UST: variants seen among roughly 807,000 people sequenced by gnomAD.
UST encodes chondroitin sulfate 2-O-sulfotransferase.
In UST, 21 loss-of-function variants were observed where a neutral mutation model predicts 45.6. The observed-to-expected ratio is 0.46, with a 90% CI of 0.33 to 0.66. UST has a LOEUF of 0.66. Among genes scored for constraint, UST ranks in the 30% least tolerant of loss-of-function variants. UST has a pLI of 0.02. For synonymous variants in UST, 215 were observed against 200.6 expected (o/e 1.07, Z -0.61); for missense variants, 463 against 512.4 (o/e 0.90, Z 0.93).
chr6:148,990,011 T>A (rs773549520), intron 5 of UST, among the ~76,000 whole-genome samples: 1 of 152,178 alleles, frequency 6.6e-6, no homozygotes, highest in African/African-American at 2.4e-5. Flanking sequence ...ACAAAAAAAA[T>A]TAAGCGTTTA....
Position 149,073,819 on chromosome 6 carries a change from C to G in UST, c.938-14C>G. The G allele has an allele frequency of 6.2e-7, 1 of 1,609,754 alleles. No individual in the cohort carries two copies. The highest frequency in any genetic ancestry group is 8.5e-7 in the Non-Finnish European group (1 of 1,176,772). ...GCAAATGATGGCTCATGTGCGACCC[C>G]GGTTCTCTTCCAGAGCACAGGAAGC... is the stretch of plus-strand genomic sequence containing the variant. On this transcript the variant is annotated splice_polypyrimidine_tract_variant and intron_variant, in intron 7 of 7. Transcript: ENST00000367463.
intron 1 of UST, among the ~76,000 whole-genome samples, chr6:148,873,693 A>G (rs368609115): frequency 5.7e-4 from 87 of 152,332 alleles, no homozygotes; most frequent in African/African-American, 2.0e-3. Flanking sequence ...GCTGCCTGAC[A>G]TGGTGCAGGT....
rs539489103 is a variant in UST, at chr6:148,900,623, T to A, written c.291+13594T>A. On this transcript the variant is annotated intron_variant, in intron 2 of 7. Transcript: ENST00000367463. ...TTTGTAAATTGCCCAGTCTGGGATA[T>A]GTCTTTATCAGCAGCATGAAAATGA... 7.2e-5 allele frequency among the ~76,000 whole-genome samples: 11 copies of A among 152,348 alleles called. No individual in the cohort carries two copies. In the East Asian group the frequency reaches 1.2e-3, roughly 16 times the overall value.
intron 1 of UST, among the ~76,000 whole-genome samples, chr6:148,883,898 G>C (rs1008429882): frequency 5.9e-5 from 9 of 152,118 alleles, no homozygotes; most frequent in African/African-American, 1.9e-4. Flanking sequence ...TTGGGAGCCC[G>C]AGGCGGGCAG....
chr6:149,031,451 A>G (rs1257536736), intron 7 of UST, among the ~76,000 whole-genome samples: 1 of 152,220 alleles, frequency 6.6e-6, no homozygotes, highest in Admixed American at 6.5e-5. Context: ...AATTTACTTT[A>G]TGAAAGCTTA....
chr6:148,754,786 G>C (rs561030180), intron 1 of UST, among the ~76,000 whole-genome samples: 6 of 152,274 alleles, frequency 3.9e-5, no homozygotes, highest in African/African-American at 1.2e-4. Context: ...CAAGGAGCAA[G>C]AAATTAGTTT....
At chr6:148,942,276 A>T (rs1297629370) in intron 3 of UST, among the ~76,000 whole-genome samples, 2 of 152,058 alleles carry the variant, frequency 1.3e-5, no homozygotes, top group African/African-American at 4.8e-5. Flanking sequence ...TCAGGTTGAG[A>T]TCATCATTAT....
chr6:148,775,024 GA>G (rs1019562849), intron 1 of UST, among the ~76,000 whole-genome samples: 74 of 145,812 alleles, frequency 5.1e-4, no homozygotes, highest in Non-Finnish European at 8.6e-4. Flanking sequence ...TCATCTCAAA[GA>G]AAAAAAAAAG....
chr6:148,913,751 C>T (rs1406455761), intron 2 of UST, among the ~76,000 whole-genome samples: 1 of 151,930 alleles, frequency 6.6e-6, no homozygotes, highest in African/African-American at 2.4e-5. Context: ...TTTATCAAAC[C>T]AAGGAAAAAT....
At chr6:148,946,415 G>C (rs536994434) in intron 3 of UST, among the ~76,000 whole-genome samples, 197 of 149,190 alleles carry the variant, frequency 1.3e-3, no homozygotes, top group African/African-American at 4.5e-3. Context: ...GGAGGCTGAG[G>C]GAAGAGAATC....
At chr6:148,803,859 G>A (rs2114720717) in intron 1 of UST, among the ~76,000 whole-genome samples, 1 of 152,280 alleles carries the variant, frequency 6.6e-6, no homozygotes, top group East Asian at 1.9e-4. Context: ...GGATTCACCT[G>A]GGATAGTCTG....
intron 1 of UST, among the ~76,000 whole-genome samples, chr6:148,843,102 G>T (rs1777919196): frequency 6.6e-6 from 1 of 152,144 alleles, no homozygotes; most frequent in South Asian, 2.1e-4. Context: ...GTCTTATTTG[G>T]GTAAAATATT....
chr6:149,036,585 T>C lies in UST; in HGVS notation c.937+15104T>C, dbSNP rs964267105. Among the ~76,000 whole-genome samples, 11 of 152,392 alleles carry C rather than the reference T, an allele frequency of 7.2e-5. No individual in the cohort carries two copies. The East Asian group carries it at 2.1e-3, about 29-fold the overall frequency. On this transcript the variant is annotated intron_variant, in intron 7 of 7. Coordinates refer to ENST00000367463, the MANE Select transcript of UST (RefSeq NM_005715.3). ...GGGAATGTTCTAACTACCTGAACTT[T>C]AAGATTCTGCTGCCAGCTTTGTGTT...
At chr6:149,035,543 T>C (rs1357507390) in intron 7 of UST, among the ~76,000 whole-genome samples, 1 of 151,762 alleles carries the variant, frequency 6.6e-6, no homozygotes, top group Non-Finnish European at 1.5e-5. Context: ...TCTCTTGAGC[T>C]CAGGAGTTCA....
At chr6:148,778,247 G>C (rs1776571476) in intron 1 of UST, among the ~76,000 whole-genome samples, 1 of 152,190 alleles carries the variant, frequency 6.6e-6, no homozygotes, top group South Asian at 2.1e-4. Flanking sequence ...CAGAGCCCTA[G>C]TTCCAAATTT....
At chr6:148,897,330 G>C (rs1340931932) in intron 2 of UST, among the ~76,000 whole-genome samples, 1 of 151,556 alleles carries the variant, frequency 6.6e-6, no homozygotes, top group East Asian at 1.9e-4. Context: ...ATCATGCCCA[G>C]CTAATTTTTA....
At chr6:149,009,848 A>T in intron 5 of UST, among the ~76,000 whole-genome samples, 1 of 150,596 alleles carries the variant, frequency 6.6e-6, no homozygotes, top group East Asian at 1.9e-4. Flanking sequence ...TGTACATATT[A>T]CTTTGACAAA....
chr6:148,766,605 G>C (rs1776329623), intron 1 of UST, among the ~76,000 whole-genome samples: 1 of 152,220 alleles, frequency 6.6e-6, no homozygotes, highest in South Asian at 2.1e-4. Context: ...GGAGTTAAAA[G>C]AGGTAGTAGA....
chr6:148,760,488 G>C (rs903132582), intron 1 of UST, among the ~76,000 whole-genome samples: 6 of 152,174 alleles, frequency 3.9e-5, no homozygotes, highest in African/African-American at 1.4e-4. Context: ...ATATAGGCTT[G>C]TCTATTGGAC....
Sources: gnomAD v4.1 joint callset for allele counts (sites outside exome capture counted in the v4.1 genomes callset) on GRCh38, gnomAD v4.1.1 for gene constraint, MANE v1.5 for transcripts, NCBI Gene and HGNC (gene_info 2026-07-23, HGNC 2026-07-21) for gene names.